Variants in FRMD4A observed in about 807,000 individuals in gnomAD.
FRMD4A encodes FERM domain containing 4A, also known as FERM domain-containing protein 4A.
Under a neutral mutation model 129.1 loss-of-function variants are expected in FRMD4A, and 29 were observed. That is an observed-to-expected ratio of 0.22 (90% confidence interval 0.17 to 0.31). The LOEUF (loss-of-function observed/expected upper bound fraction) is 0.31, where lower values mean the gene tolerates loss of function less well. Ranked by LOEUF, FRMD4A falls within the 10% of genes least tolerant of loss-of-function variation. The probability of loss-of-function intolerance (pLI) is 1.00; values close to 1 mark genes in which losing one functional copy is unlikely to be tolerated. For synonymous variants in FRMD4A, 634 were observed against 571.6 expected (o/e 1.11, Z -1.56); for missense variants, 1,272 against 1,375.8 (o/e 0.92, Z 1.19).
chr10:13,693,673 G>C (rs778815669), intron 15 of FRMD4A: 20 of 668,240 alleles, frequency 3.0e-5, no homozygotes, highest in South Asian at 2.9e-4. Context: ...GCACTGCGTG[G>C]TTCTACTGAT....
intron 2 of FRMD4A, chr10:14,326,669 G>A (rs1296911617): frequency 5.1e-6 from 2 of 395,856 alleles, no homozygotes; most frequent in Non-Finnish European, 4.4e-6. Context: ...GAAGCCCCTT[G>A]GTTATTCATC....
At chr10:13,999,478 C>CT in intron 2 of FRMD4A, among the ~76,000 whole-genome samples, 1 of 152,336 alleles carries the variant, frequency 6.6e-6, no homozygotes, top group East Asian at 1.9e-4. Flanking sequence ...GATCAATATA[C>CT]TTCTAACCCT....
intron 2 of FRMD4A, among the ~76,000 whole-genome samples, chr10:14,312,267 G>A (rs949586650): frequency 6.6e-6 from 1 of 152,156 alleles, no homozygotes; most frequent in Non-Finnish European, 1.5e-5. Context: ...GACATTTAAT[G>A]CTGTAATTGT....
chr10:13,753,427 T>C (rs2091720566), intron 8 of FRMD4A, among the ~76,000 whole-genome samples: 1 of 152,210 alleles, frequency 6.6e-6, no homozygotes, highest in African/African-American at 2.4e-5. Context: ...CCAGGAGGTT[T>C]TTCCAGCATG....
chr10:14,162,630 G>GTTTTTT (rs556368229), intron 2 of FRMD4A, among the ~76,000 whole-genome samples: 20 of 117,292 alleles, frequency 1.7e-4, no homozygotes, highest in African/African-American at 6.7e-4. Flanking sequence ...GAGTTTCTCT[G>GTTTTTT]TTTTTTTTTT....
rs576318976 is a variant in FRMD4A, at chr10:14,315,065, T to C, written c.45+14993A>G. ...CTTTATACGACAAATTATATTCTCT[T>C]GGAATTCTAGTTACCTTTCTGACTG... is the stretch of plus-strand genomic sequence containing the variant. On this transcript the variant is annotated intron_variant, in intron 2 of 24. Transcript: ENST00000357447. Among the ~76,000 whole-genome samples the C allele has an allele frequency of 8.5e-5, 13 of 152,298 alleles. No homozygotes were observed. In the South Asian group the frequency reaches 2.7e-3, roughly 32 times the overall value.
At chr10:14,306,316 C>T (rs1846349820) in intron 2 of FRMD4A, among the ~76,000 whole-genome samples, 2 of 152,188 alleles carry the variant, frequency 1.3e-5, no homozygotes, top group Non-Finnish European at 2.9e-5. Context: ...GAGGAAGGAA[C>T]GGTGAAACGC....
intron 23 of FRMD4A, chr10:13,652,282 T>G (rs763045328): frequency 1.6e-4 from 66 of 410,560 alleles, no homozygotes; most frequent in Non-Finnish European, 1.6e-4. Context: ...GAGTCCTCAC[T>G]AGTTGTAGGT....
chr10:14,282,598 C>T (rs1384292746), intron 2 of FRMD4A, among the ~76,000 whole-genome samples: 2 of 147,520 alleles, frequency 1.4e-5, no homozygotes, highest in African/African-American at 5.0e-5. Flanking sequence ...TCACTGCTAA[C>T]GGGAGCCAAC....
chr10:14,085,853 C>G (rs888556633), intron 2 of FRMD4A, among the ~76,000 whole-genome samples: 15 of 152,212 alleles, frequency 9.9e-5, no homozygotes, highest in Admixed American at 7.2e-4. Context: ...ATGTATTTCA[C>G]AGCTTTGAGA....
rs140050214 is a variant in FRMD4A, at chr10:14,185,533, G to A, written c.45+144525C>T. 9.2e-3 allele frequency among the ~76,000 whole-genome samples: 1,399 copies of A among 152,282 alleles called. 22 individuals carry two copies. The highest frequency in any genetic ancestry group is 0.031 in the African/African-American group (1,287 of 41,564). The stretch of plus-strand genomic sequence containing the variant: ...TTTTGGAGGTTTGTTGTAGAACTAT[G>A]GAAACTTGAAACATAAAGCAAGACT... On this transcript the variant is annotated intron_variant, in intron 2 of 24. Coordinates refer to ENST00000357447, the MANE Select transcript of FRMD4A (RefSeq NM_018027.5).
chr10:13,707,003 G>T (rs765682812), intron 13 of FRMD4A, 34 bp downstream of exon 13: 3 of 1,124,072 alleles, frequency 2.7e-6, no homozygotes, highest in Non-Finnish European at 4.1e-6. Context: ...CGAGAGCCAC[G>T]CCATCCCGCA....
chr10:14,315,056 A>G (rs1011625537), intron 2 of FRMD4A, among the ~76,000 whole-genome samples: 3 of 151,802 alleles, frequency 2.0e-5, no homozygotes, highest in African/African-American at 7.3e-5. Context: ...ACGACAAATT[A>G]TATTCTCTTG....
Position 13,654,402 on chromosome 10 carries a change from G to T in FRMD4A, c.3050+14C>A. The stretch of plus-strand genomic sequence containing the variant: ...TCGAGCTGACACAGTGAAGAACATA[G>T]AAGGAGAACTCACCCAGTCTGCCAG... On this transcript the variant is annotated intron_variant, in intron 23 of 24. Transcript: ENST00000357447. 1 of 1,535,926 alleles carries T rather than the reference G, an allele frequency of 6.5e-7. No individual in the cohort carries two copies. The highest frequency in any genetic ancestry group is 9.0e-7 in the Non-Finnish European group (1 of 1,108,296).
chr10:14,174,905 G>C (rs1363750224), intron 2 of FRMD4A, among the ~76,000 whole-genome samples: 1 of 125,742 alleles, frequency 8.0e-6, no homozygotes, highest in Non-Finnish European at 1.8e-5. Context: ...GTGTGTGTGT[G>C]TGTGTGTGTG....
intron 2 of FRMD4A, among the ~76,000 whole-genome samples, chr10:14,093,139 G>A (rs958200131): frequency 6.6e-6 from 1 of 152,196 alleles, no homozygotes; most frequent in African/African-American, 2.4e-5. Context: ...CTGCCTTCCT[G>A]ATCCCAGCAA....
chr10:13,727,724 CT>C (rs1483480296), intron 12 of FRMD4A: 1 of 152,128 alleles, frequency 6.6e-6, no homozygotes. Flanking sequence ...TGAGAGACCC[CT>C]CCTGACCAGC....
At chr10:13,858,753 G>A (rs1299602567) in intron 3 of FRMD4A, 94 bp downstream of exon 3, 3 of 797,608 alleles carry the variant, frequency 3.8e-6, no homozygotes, top group Non-Finnish European at 2.3e-6. Flanking sequence ...TTTAAAAACA[G>A]TTTACCAAAT....
At chr10:13,862,666 T>G (rs1029947970) in intron 2 of FRMD4A, among the ~76,000 whole-genome samples, 2 of 152,228 alleles carry the variant, frequency 1.3e-5, no homozygotes, top group African/African-American at 4.8e-5. Flanking sequence ...GACTCACCTT[T>G]GAATCATCAT....
Sources: allele counts gnomAD v4.1 joint callset (sites outside exome capture counted in the v4.1 genomes callset), GRCh38; gene constraint gnomAD v4.1.1; transcripts MANE v1.5; gene names NCBI Gene and HGNC (gene_info 2026-07-23, HGNC 2026-07-21).